TAF7L: variants seen among roughly 807,000 people sequenced by gnomAD.
TAF7L encodes TATA-box binding protein associated factor 7 like.
In TAF7L, 6 loss-of-function variants were observed where a neutral mutation model predicts 30.2. That is an observed-to-expected ratio of 0.20 (90% CI 0.11 to 0.39). The LOEUF (loss-of-function observed/expected upper bound fraction) is 0.39. Among genes scored for constraint, TAF7L ranks in the 10% least tolerant of loss-of-function variants. TAF7L has a pLI of 1.00. For synonymous variants in TAF7L, 93 were observed against 94.5 expected, an observed-to-expected ratio of 0.98 and a Z score of 0.09; for missense variants, 284 against 277.1, an observed-to-expected ratio of 1.03 and a Z score of -0.18.
chrX:101,276,200 C>A, intron 10 of TAF7L, 88 bp from the exon 11 acceptor site: 2 of 1,178,812 alleles, frequency 1.7e-6, no homozygotes, highest in Non-Finnish European at 2.3e-6. Context: ...TACTACACAT[C>A]GAAGCGATAA....
intron 8 of TAF7L, 56 bp downstream of exon 8, chrX:101,277,993 A>T (rs1924272135): frequency 2.8e-6 from 3 of 1,058,899 alleles, no homozygotes; most frequent in Non-Finnish European, 4.0e-6. Context: ...AGGCTTCGTC[A>T]GCATGTACAA....
At position 101,290,529 on chromosome X, in the gene TAF7L, GC is replaced by G. The variant is rs1460586428; in HGVS notation, c.-3+694del. 1.9e-4 allele frequency among the ~76,000 whole-genome samples: 21 copies of G among 111,693 alleles called. No individual in the cohort carries two copies. The Admixed American group carries it at 1.9e-3, about 10-fold the overall frequency. ...TCAGTAGTAACTTTTAGATTTCTCA[GC>G]AGAACTAAAACTGGGGCATTTTGTT... On this transcript the variant is annotated intron_variant, in intron 1 of 12. Transcript: ENST00000356784.
intron 12 of TAF7L, among the ~76,000 whole-genome samples, chrX:101,273,067 C>A (rs1420100019): frequency 9.0e-6 from 1 of 111,717 alleles, no homozygotes; most frequent in Non-Finnish European, 1.9e-5. Flanking sequence ...CACCACCGCA[C>A]CCAGCCTAAA....
intron 11 of TAF7L, 39 bp from the exon 12 acceptor site, chrX:101,275,320 C>CA (rs755820173): frequency 1.3e-5 from 10 of 778,533 alleles, no homozygotes; most frequent in South Asian, 6.5e-5. Context: ...CACTGAGTCT[C>CA]AAAGAAAAAA....
chrX:101,273,372 G>A (rs972566268), intron 12 of TAF7L, among the ~76,000 whole-genome samples: 1 of 110,421 alleles, frequency 9.1e-6, no homozygotes, highest in South Asian at 3.8e-4. Flanking sequence ...GGTGGATCAC[G>A]AGGTCAGGAG....
intron 3 of TAF7L, among the ~76,000 whole-genome samples, chrX:101,284,613 C>T (rs1164149310): frequency 1.8e-5 from 2 of 112,284 alleles, no homozygotes; most frequent in Admixed American, 9.4e-5. Flanking sequence ...GATCCGCCCG[C>T]CTCAGCCTCC....
intron 1 of TAF7L, among the ~76,000 whole-genome samples, chrX:101,290,548 A>AT (rs924339057): frequency 5.4e-5 from 6 of 111,884 alleles, no homozygotes; most frequent in South Asian, 3.8e-4. Flanking sequence ...AAACTGGGGC[A>AT]TTTTGTTCAT....
In TAF7L at chrX:101,286,656, A is replaced by G. The variant is rs374053879; in HGVS notation, c.67-3T>C. The G allele has an allele frequency of 8.4e-7, 1 of 1,192,652 alleles. No individual in the cohort carries two copies. Among genetic ancestry groups the G allele is most frequent in the African/African-American group, 1.7e-5 (1 of 57,552 alleles). On this transcript the variant is annotated splice_region_variant and splice_polypyrimidine_tract_variant and intron_variant, in intron 2 of 12. Coordinates refer to ENST00000356784, the MANE Select transcript of TAF7L (RefSeq NM_001168474.2). The stretch of plus-strand genomic sequence containing the variant: ...TTCCTGACAGTACAAGCATGTTCCT[A>G]AAAAGGAGGTAAATTGAAAAATCAG...
intron 11 of TAF7L, 76 bp from the exon 12 acceptor site, chrX:101,275,357 T>A: frequency 2.7e-6 from 2 of 753,180 alleles, no homozygotes; most frequent in Non-Finnish European, 3.8e-6. Flanking sequence ...GCAAGGAGTT[T>A]GGCAAATAAT....
At chrX:101,291,181 G>A in intron 1 of TAF7L, 43 bp downstream of exon 1, 5 of 646,551 alleles carry the variant, frequency 7.7e-6, no homozygotes, top group Non-Finnish European at 9.2e-6. Flanking sequence ...CACTGGCGGG[G>A]CGCTGACCCG....
chrX:101,276,040 T>G lies in TAF7L; in HGVS notation c.986A>C (p.Gln329Pro), dbSNP rs1924159505. ...LHKIQNKAQR[Q>P]KDLIMKVENL... is the part of the protein sequence containing the mutation. ...TTCCACTTTCATGATGAGATCCTTC[T>G]GTCTTTGTGCTTTATTCTGAATCTT... is the stretch of plus-strand genomic sequence containing the variant. The change falls in exon 11 of 13, where the codon CAG becomes CCG. Residue 329 changes from glutamine to proline, a missense_variant. Physicochemically the swap from Gln to Pro is moderately conservative, Grantham distance 76. Transcript: ENST00000356784. 3.3e-6 allele frequency: 4 copies of G among 1,204,997 alleles called. No individual in the cohort carries two copies. The highest frequency in any genetic ancestry group is 3.4e-6 in the Non-Finnish European group (3 of 893,677).
intron 12 of TAF7L, 132 bp from the exon 13 acceptor site, chrX:101,269,369 C>T (rs1319366308): frequency 3.5e-6 from 2 of 570,774 alleles, no homozygotes; most frequent in African/African-American, 2.2e-5. Flanking sequence ...CTTAGTCTTG[C>T]AATGTTCCAG....
intron 12 of TAF7L, among the ~76,000 whole-genome samples, chrX:101,272,529 A>T (rs946327887): frequency 9.0e-6 from 1 of 111,515 alleles, no homozygotes; most frequent in African/African-American, 3.3e-5. Flanking sequence ...GCCCGACTCA[A>T]AACACCATGT....
chrX:101,291,414 GC>G, upstream of TAF7L: 1 of 360,795 alleles, frequency 2.8e-6, no homozygotes, highest in Non-Finnish European at 3.6e-6. Context: ...CGGCCGCGCT[GC>G]CCAGCGGACT....
intron 12 of TAF7L, among the ~76,000 whole-genome samples, chrX:101,272,020 A>T (rs966986391): frequency 3.6e-5 from 4 of 111,236 alleles, no homozygotes; most frequent in African/African-American, 1.3e-4. Context: ...GGGGGTGGGG[A>T]GTAGTGCCTG....
chrX:101,269,246 A>C lies in TAF7L; in HGVS notation c.1087-9T>G. ...TCCTGTAGGGAAATGAGCTGTAGGG[A>C]GAGGTAGAAAGACATGAAAAATTCA... On this transcript the variant is annotated splice_polypyrimidine_tract_variant and intron_variant, in intron 12 of 12. Coordinates refer to ENST00000356784, the MANE Select transcript of TAF7L (RefSeq NM_001168474.2). 1 of 1,195,035 alleles carries C rather than the reference A, an allele frequency of 8.4e-7. No individual in the cohort carries two copies. The highest frequency in any genetic ancestry group is 1.1e-6 in the Non-Finnish European group (1 of 884,530).
intron 2 of TAF7L, 77 bp downstream of exon 2, chrX:101,287,401 G>A: frequency 2.5e-6 from 2 of 791,242 alleles, no homozygotes; most frequent in Non-Finnish European, 3.7e-6. Flanking sequence ...AAATAGAAAT[G>A]TCAGAATCCA....
At chrX:101,277,559 C>A in intron 9 of TAF7L, 47 bp downstream of exon 9, 1 of 690,378 alleles carries the variant, frequency 1.4e-6, no homozygotes, top group Non-Finnish European at 2.1e-6. Flanking sequence ...GATACCCAGT[C>A]AATACCTGCC....
intron 12 of TAF7L, among the ~76,000 whole-genome samples, chrX:101,274,778 C>T (rs183557082): frequency 3.5e-3 from 390 of 112,007 alleles, no homozygotes; most frequent in Middle Eastern, 0.028. Flanking sequence ...GTATGTATAG[C>T]TCACATTTAT....
Sources: allele counts gnomAD v4.1 joint callset (sites outside exome capture counted in the v4.1 genomes callset), GRCh38; gene constraint gnomAD v4.1.1; transcripts MANE v1.5; gene names NCBI Gene and HGNC (gene_info 2026-07-23, HGNC 2026-07-21).